RPS6KA5: variants seen among roughly 807,000 people sequenced by gnomAD.
The protein encoded by RPS6KA5 is ribosomal protein S6 kinase A5, also known as ribosomal protein S6 kinase alpha-5.
A neutral mutation model predicts 85.5 loss-of-function variants in RPS6KA5; 27 were observed. The observed-to-expected ratio is 0.32, with a 90% CI of 0.23 to 0.44. The LOEUF is 0.44. Among genes scored for constraint, RPS6KA5 ranks in the 20% least tolerant of loss-of-function variants. The pLI is 1.00. For synonymous variants in RPS6KA5, 334 were observed against 348.2 expected (o/e 0.96, Z 0.46); for missense variants, 811 against 980.9 (o/e 0.83, Z 2.31).
chr14:90,956,972 T>G (rs1443200309), intron 3 of RPS6KA5, among the ~76,000 whole-genome samples: 16 of 149,996 alleles, frequency 1.1e-4, no homozygotes, highest in Middle Eastern at 3.5e-3. Context: ...CTGTTTTTTT[T>G]TTTTTTTTTT....
At chr14:91,007,063 C>G (rs1379981194) in intron 1 of RPS6KA5, among the ~76,000 whole-genome samples, 6 of 152,130 alleles carry the variant, frequency 3.9e-5, no homozygotes, top group African/African-American at 1.4e-4. Flanking sequence ...ACTCTGATTC[C>G]CACCAGCTAC....
intron 1 of RPS6KA5, among the ~76,000 whole-genome samples, chr14:91,048,262 A>G (rs1324230631): frequency 1.3e-5 from 2 of 152,224 alleles, no homozygotes; most frequent in Middle Eastern, 6.3e-3. Context: ...AATTAATGAT[A>G]TAATTATTTT....
At chr14:90,874,232 G>A (rs2033306360) in intron 15 of RPS6KA5, among the ~76,000 whole-genome samples, 1 of 152,150 alleles carries the variant, frequency 6.6e-6, no homozygotes, top group South Asian at 2.1e-4. Context: ...AAGACACACA[G>A]GCAAAACCCC....
chr14:90,876,134 T>C (rs1319022385), intron 14 of RPS6KA5, among the ~76,000 whole-genome samples: 1 of 152,184 alleles, frequency 6.6e-6, no homozygotes, highest in East Asian at 1.9e-4. Flanking sequence ...TGGCTTGTTA[T>C]GATATAGATT....
intron 2 of RPS6KA5, among the ~76,000 whole-genome samples, chr14:90,988,737 C>T (rs7161647): frequency 1.5e-3 from 230 of 152,192 alleles, no homozygotes; most frequent in African/African-American, 4.9e-3. Context: ...TGCTTGAATC[C>T]GGGAGGCGGA....
Position 90,943,091 on chromosome 14 carries a change from A to G in RPS6KA5, c.605T>C (p.Phe202Ser). The G allele has an allele frequency of 6.3e-7, 1 of 1,595,548 alleles. No homozygotes were observed. The change falls in exon 5 of 17, where the codon TTT (phenylalanine) becomes TCT (serine). Residue 202 changes from phenylalanine (F) to serine (S), a missense_variant. Coordinates refer to ENST00000614987, the MANE Select transcript of RPS6KA5 (RefSeq NM_004755.4). ...AAATATACTCACTTCATCAGCCACAAACTCCTTACTCAGACCAAAATCTGT... is the reference window on the plus strand; with the variant it reads ...AAATATACTCACTTCATCAGCCACAGACTCCTTACTCAGACCAAAATCTGT... ...VLTDFGLSKEFVADETERAYS... is the reference protein window; with the variant it reads ...VLTDFGLSKESVADETERAYS...
At chr14:91,014,154 C>G (rs1175072748) in intron 1 of RPS6KA5, among the ~76,000 whole-genome samples, 2 of 151,786 alleles carry the variant, frequency 1.3e-5, no homozygotes, top group Non-Finnish European at 2.9e-5. Flanking sequence ...AATTATAACT[C>G]AAAAGAAAAA....
rs980681624 is a variant in RPS6KA5, at chr14:91,060,618, T to G, written c.-184A>C. On this transcript the variant is annotated 5_prime_UTR_variant, in exon 1 of 17. Transcript: ENST00000614987. ...CGGCTCGCTCCTCGCCTCCTCCCCC[T>G]TCGGCGGGCACCGCTAGTACCGCGC... The G allele has an allele frequency of 3.7e-6, 3 of 800,084 alleles. No homozygotes were observed. The African/African-American group carries it at 5.4e-5, about 14-fold the overall frequency. The allele number at this position is 800,084 out of a possible 1,614,324, so 49.6% of individuals were successfully genotyped here. A position where few individuals can be genotyped will look rare whatever the true frequency, so the allele number is the denominator to read the frequency against.
chr14:91,037,535 G>C (rs1165036589), intron 1 of RPS6KA5, among the ~76,000 whole-genome samples: 3 of 152,202 alleles, frequency 2.0e-5, no homozygotes, highest in African/African-American at 7.2e-5. Flanking sequence ...CTTGGTGAAT[G>C]AAGTGTTTTC....
At chr14:90,987,010 T>G (rs1386222370) in intron 2 of RPS6KA5, among the ~76,000 whole-genome samples, 1 of 152,188 alleles carries the variant, frequency 6.6e-6, no homozygotes, top group African/African-American at 2.4e-5. Flanking sequence ...CAATAATAAA[T>G]AAAATTGTAT....
rs2031926000 is a variant in RPS6KA5, at chr14:90,850,220, G to A, written c.*21854C>T. ...GACATTGCTTACCAGCCATTGACCTGAAATGAACTGCTTCAACGTGTTCTG... is the reference window on the plus strand; with the variant it reads ...GACATTGCTTACCAGCCATTGACCTAAAATGAACTGCTTCAACGTGTTCTG... On this transcript the variant is annotated 3_prime_UTR_variant, in exon 17 of 17. Coordinates refer to ENST00000614987, the MANE Select transcript of RPS6KA5 (RefSeq NM_004755.4). 1 of 152,268 alleles carries A rather than the reference G, an allele frequency of 6.6e-6. No homozygotes were observed. Among genetic ancestry groups the A allele is most frequent in the African/African-American group, 2.4e-5 (1 of 41,552 alleles). 9.4% of individuals were successfully genotyped at this position (152,268 alleles called of 1,614,324 possible).
intron 1 of RPS6KA5, among the ~76,000 whole-genome samples, chr14:91,020,367 A>G (rs2041695066): frequency 6.6e-6 from 1 of 152,212 alleles, no homozygotes; most frequent in African/African-American, 2.4e-5. Context: ...TACAATTTAC[A>G]TTGTATTAGG....
chr14:91,025,275 C>A (rs2041947071), intron 1 of RPS6KA5, among the ~76,000 whole-genome samples: 1 of 152,170 alleles, frequency 6.6e-6, no homozygotes, highest in Admixed American at 6.5e-5. Context: ...AACTCCTGAC[C>A]TCAGGTGATC....
rs2033101106 is a variant in RPS6KA5 at position 90,871,402 on chromosome 14, AGT to A, written c.*670_*671del. 1.3e-5 allele frequency: 2 copies of A among 152,590 alleles called. No individual in the cohort carries two copies. The highest frequency in any genetic ancestry group is 6.5e-5 in the Admixed American group (1 of 15,282). 9.5% of individuals were successfully genotyped at this position (152,590 alleles called of 1,614,324 possible). A position where few individuals can be genotyped will look rare whatever the true frequency, so the allele number is the denominator to read the frequency against. On this transcript the variant is annotated 3_prime_UTR_variant, in exon 17 of 17. Coordinates refer to ENST00000614987, the MANE Select transcript of RPS6KA5 (RefSeq NM_004755.4). ...TTAAAACAAATTGCCAGGAAAGAGCAGTGCAAAATTAAAAACATACACATAGC... is the reference window on the plus strand; with the variant it reads ...TTAAAACAAATTGCCAGGAAAGAGCAGCAAAATTAAAAACATACACATAGC...
chr14:90,922,680 C>T (rs1382838683), intron 6 of RPS6KA5, among the ~76,000 whole-genome samples: 1 of 152,180 alleles, frequency 6.6e-6, no homozygotes, highest in Non-Finnish European at 1.5e-5. Context: ...AACTCCTGAC[C>T]TCAGGTGATC....
At chr14:91,013,612 G>T (rs2041354802) in intron 1 of RPS6KA5, among the ~76,000 whole-genome samples, 2 of 152,208 alleles carry the variant, frequency 1.3e-5, no homozygotes, top group African/African-American at 4.8e-5. Flanking sequence ...ACACCAGGCA[G>T]GAGCCAGCTC....
intron 3 of RPS6KA5, among the ~76,000 whole-genome samples, chr14:90,953,277 G>T (rs2038311329): frequency 6.6e-6 from 1 of 152,030 alleles, no homozygotes; most frequent in African/African-American, 2.4e-5. Flanking sequence ...AAGATTTCAT[G>T]GACATTTATC....
chr14:90,939,310 A>G (rs1183144549), intron 5 of RPS6KA5, among the ~76,000 whole-genome samples: 1 of 152,196 alleles, frequency 6.6e-6, no homozygotes, highest in African/African-American at 2.4e-5. Context: ...AAAGCCATTC[A>G]ACAAGTCTCT....
At chr14:90,979,212 G>C (rs1009140392) in intron 2 of RPS6KA5, among the ~76,000 whole-genome samples, 1 of 152,224 alleles carries the variant, frequency 6.6e-6, no homozygotes, top group African/African-American at 2.4e-5. Flanking sequence ...GGAGGAATTG[G>C]GGCCATGTGG....
Sources: allele counts gnomAD v4.1 joint callset (sites outside exome capture counted in the v4.1 genomes callset), GRCh38; gene constraint gnomAD v4.1.1; transcripts MANE v1.5; gene names NCBI Gene and HGNC (gene_info 2026-07-23, HGNC 2026-07-21).